The following MSTO1 variants were observed in gnomAD, a reference collection of about 807,000 sequenced individuals.
MSTO1 encodes the protein protein misato homolog 1.
MSTO1 carries 24 observed loss-of-function variants against 55.7 expected under a neutral mutation model. The ratio of observed to expected loss-of-function variants is 0.43; its 90% CI spans 0.31 to 0.61. MSTO1 has a LOEUF of 0.61. MSTO1 is among the 20% of genes least tolerant of loss of function. The pLI is 0.09. For missense variants in MSTO1, 363 were observed against 625.7 expected (o/e 0.58, Z 4.48); for synonymous variants, 162 against 252.8 (o/e 0.64, Z 3.41).
At chr1:155,589,331 G>A in the MSTO1 span, among the ~76,000 whole-genome samples, 1 of 151,198 alleles carries the variant, frequency 6.6e-6, no homozygotes, top group East Asian at 1.9e-4. Flanking sequence ...CTTAATAACA[G>A]ATGAGAAAGA....
chr1:155,565,375 T>C, the MSTO1 span, among the ~76,000 whole-genome samples: 1 of 151,964 alleles, frequency 6.6e-6, no homozygotes, highest in Non-Finnish European at 1.5e-5. Context: ...GAAAGACAAT[T>C]AGCATTTGTG....
upstream of MSTO1, among the ~76,000 whole-genome samples, chr1:155,606,198 C>CTTTTTTTTTTTTTTTTTT (rs747681932): frequency 6.0e-4 from 17 of 28,110 alleles, 1 homozygote; most frequent in South Asian, 3.6e-3. Context: ...CATGCCCAGC[C>CTTTTTTTTTTTTTTTTTT]TTTTTTTTTT....
upstream of MSTO1, among the ~76,000 whole-genome samples, chr1:155,607,786 T>A (rs1672962278): frequency 6.6e-6 from 1 of 152,196 alleles, no homozygotes. Flanking sequence ...GCAGATCGCT[T>A]GAGCTCAGGA....
the MSTO1 span, among the ~76,000 whole-genome samples, chr1:155,590,191 A>G: frequency 6.6e-6 from 1 of 152,192 alleles, no homozygotes; most frequent in African/African-American, 2.4e-5. Flanking sequence ...GAGGAGCTCC[A>G]GAGGCCTGAG....
intron 6 of MSTO1, 59 bp downstream of exon 6, chr1:155,611,886 A>G: frequency 1.4e-6 from 1 of 698,320 alleles, no homozygotes; most frequent in Non-Finnish European, 2.2e-6. Flanking sequence ...ATGCAGGATG[A>G]GGCTCTTGAG....
At chr1:155,607,463 C>A (rs550581654), upstream of MSTO1, among the ~76,000 whole-genome samples, 1 of 152,182 alleles carries the variant, frequency 6.6e-6, no homozygotes, top group Non-Finnish European at 1.5e-5. Flanking sequence ...TCTGAGCCAC[C>A]GCGCCTAGCC....
the MSTO1 span, among the ~76,000 whole-genome samples, chr1:155,574,083 G>C: frequency 6.6e-6 from 1 of 152,102 alleles, no homozygotes; most frequent in African/African-American, 2.4e-5. Context: ...TAGGCTGGGT[G>C]CAGTGGCTCA....
chr1:155,605,067 C>T, the MSTO1 span, among the ~76,000 whole-genome samples: 4 of 152,086 alleles, frequency 2.6e-5, no homozygotes, highest in African/African-American at 9.6e-5. Context: ...TCAAAACCAG[C>T]AGGGCCAAAA....
the MSTO1 span, among the ~76,000 whole-genome samples, chr1:155,565,016 G>A: frequency 6.6e-6 from 1 of 152,130 alleles, no homozygotes; most frequent in African/African-American, 2.4e-5. Flanking sequence ...AGCTACTCGG[G>A]AGGCTGAGGC....
the MSTO1 span, among the ~76,000 whole-genome samples, chr1:155,585,883 A>G: frequency 2.6e-5 from 4 of 151,560 alleles, no homozygotes; most frequent in African/African-American, 9.7e-5. Context: ...TTTTTGTTTC[A>G]GTTTTCCTAT....
chr1:155,590,845 G>A, the MSTO1 span: 123 of 1,608,850 alleles, frequency 7.6e-5, no homozygotes, highest in Middle Eastern at 1.7e-4. Flanking sequence ...GATGGCATGC[G>A]CCGTCCAGCA....
chr1:155,599,977 G>A, the MSTO1 span, among the ~76,000 whole-genome samples: 14 of 152,166 alleles, frequency 9.2e-5, no homozygotes, highest in African/African-American at 2.7e-4. Flanking sequence ...GTTTTATACC[G>A]AGACATTCCA....
chr1:155,569,037 A>G, the MSTO1 span, among the ~76,000 whole-genome samples: 1 of 151,866 alleles, frequency 6.6e-6, no homozygotes, highest in South Asian at 2.1e-4. Flanking sequence ...GTATTTTAGT[A>G]GAGCCGGGGT....
the MSTO1 span, among the ~76,000 whole-genome samples, chr1:155,564,605 C>T: frequency 1.3e-5 from 2 of 152,210 alleles, no homozygotes; most frequent in African/African-American, 4.8e-5. Context: ...TGTTTCGTTT[C>T]TTTAAGGTAA....
At chr1:155,589,498 A>G in the MSTO1 span, among the ~76,000 whole-genome samples, 1 of 152,038 alleles carries the variant, frequency 6.6e-6, no homozygotes, top group African/African-American at 2.4e-5. Context: ...GTATTGAGTC[A>G]CACCATCTGG....
At chr1:155,563,524 C>T in the MSTO1 span, 1 of 456,384 alleles carries the variant, frequency 2.2e-6, no homozygotes, top group East Asian at 6.9e-5. Flanking sequence ...TAACCCTCCT[C>T]GGATTTCTCG....
At chr1:155,581,843 G>GCC in the MSTO1 span, among the ~76,000 whole-genome samples, 1 of 151,584 alleles carries the variant, frequency 6.6e-6, no homozygotes, top group African/African-American at 2.4e-5. Context: ...ACCCAGGCTG[G>GCC]AGTGCAGTGG....
the MSTO1 span, chr1:155,563,333 A>T: frequency 2.2e-6 from 1 of 455,616 alleles, no homozygotes; most frequent in South Asian, 1.5e-5. Flanking sequence ...ACTCACGGTG[A>T]GGGAATGGAC....
Position 155,613,031 on chromosome 1 carries a change from T to C in MSTO1, c.1099-18T>C. The C allele has an allele frequency of 6.2e-7, 1 of 1,613,810 alleles. No individual in the cohort carries two copies. The highest frequency in any genetic ancestry group is 8.5e-7 in the Non-Finnish European group (1 of 1,179,980). The stretch of plus-strand genomic sequence containing the variant: ...GCTGAGAAAATGTCCTATAACGTGT[T>C]CTCTTCCATCTCTTTAGGTGGTGAC... On this transcript the variant is annotated intron_variant, in intron 10 of 13. Transcript: ENST00000245564.
Sources: gnomAD v4.1 joint callset for allele counts (sites outside exome capture counted in the v4.1 genomes callset) on GRCh38, gnomAD v4.1.1 for gene constraint, MANE v1.5 for transcripts, NCBI Gene and HGNC (gene_info 2026-07-23, HGNC 2026-07-21) for gene names.